SDK2: variants seen among roughly 807,000 people sequenced by gnomAD.
SDK2 encodes the protein sidekick cell adhesion molecule 2, also known as protein sidekick-2.
In SDK2, 105 loss-of-function variants were observed where a neutral mutation model predicts 253.9. That is an observed-to-expected ratio of 0.41 (90% CI 0.35 to 0.49). SDK2 has a LOEUF of 0.49. Ranked by LOEUF, SDK2 falls within the 20% of genes least tolerant of loss-of-function variation. SDK2 has a pLI of 0.06. For synonymous variants in SDK2, 1,249 were observed against 1,234.9 expected, an observed-to-expected ratio of 1.01 and a Z score of -0.24; for missense variants, 2,608 against 3,003.0, an observed-to-expected ratio of 0.87 and a Z score of 3.07.
chr17:73,513,619 C>G (rs80071080), intron 1 of SDK2: 1 of 152,208 alleles, frequency 6.6e-6, no homozygotes, highest in Non-Finnish European at 1.5e-5. Context: ...CACAGACTCA[C>G]TTGTGCATGT....
intron 5 of SDK2, 58 bp from the exon 6 acceptor site, chr17:73,440,981 C>A: frequency 7.7e-7 from 1 of 1,303,696 alleles, no homozygotes. Context: ...CCCTGCCCAG[C>A]CTCATTAGAG....
At chr17:73,358,675 G>A (rs1017095182) in intron 39 of SDK2, among the ~76,000 whole-genome samples, 1 of 152,122 alleles carries the variant, frequency 6.6e-6, no homozygotes, top group Non-Finnish European at 1.5e-5. Flanking sequence ...GTTGGTCGGA[G>A]CGGGGCTGAA....
At chr17:73,528,647 G>A (rs1207912333) in intron 1 of SDK2, among the ~76,000 whole-genome samples, 2 of 152,186 alleles carry the variant, frequency 1.3e-5, no homozygotes, top group African/African-American at 4.8e-5. Flanking sequence ...GATCCCCTAA[G>A]CCAGGGGCTG....
intron 18 of SDK2, among the ~76,000 whole-genome samples, chr17:73,405,777 T>G (rs1255756303): frequency 6.6e-6 from 1 of 150,794 alleles, no homozygotes; most frequent in Non-Finnish European, 1.5e-5. Flanking sequence ...TGGAGTGCAG[T>G]GGCGCGATCT....
intron 2 of SDK2, 80 bp downstream of exon 2, chr17:73,507,358 A>C (rs2063944052): frequency 7.0e-7 from 1 of 1,422,242 alleles, no homozygotes; most frequent in Non-Finnish European, 9.5e-7. Flanking sequence ...TGTCACACAA[A>C]CCCCCTCCTC....
chr17:73,469,973 T>G (rs2063632178), intron 3 of SDK2, among the ~76,000 whole-genome samples: 1 of 141,894 alleles, frequency 7.0e-6, no homozygotes, highest in African/African-American at 2.7e-5. Context: ...CTGAATGGCA[T>G]TTGCGACTGC....
Position 73,552,806 on chromosome 17 carries a change from C to A in SDK2, c.65-45209G>T, listed in dbSNP as rs568456855. 3.9e-5 allele frequency among the ~76,000 whole-genome samples: 6 copies of A among 152,364 alleles called. 1 individual carries two copies. The South Asian group carries it at 1.2e-3, about 32-fold the overall frequency. On this transcript the variant is annotated intron_variant, in intron 1 of 44. Transcript: ENST00000392650. The stretch of plus-strand genomic sequence containing the variant: ...AAGCGACTTCATCTTTGAACCAACT[C>A]ATTTGCACTTCTCGCTCTGGCTTCG...
At chr17:73,473,435 CT>C (rs2063665906) in intron 2 of SDK2, among the ~76,000 whole-genome samples, 1 of 152,044 alleles carries the variant, frequency 6.6e-6, no homozygotes, top group African/African-American at 2.4e-5. Context: ...AAGGGATGTC[CT>C]AGGATGCCTC....
At chr17:73,582,434 G>A (rs558894782) in intron 1 of SDK2, among the ~76,000 whole-genome samples, 7 of 152,346 alleles carry the variant, frequency 4.6e-5, no homozygotes, top group African/African-American at 1.7e-4. Context: ...CGAACACTTT[G>A]CCTTTTTTTC....
chr17:73,420,168 G>A (rs572930680), intron 15 of SDK2, among the ~76,000 whole-genome samples: 12 of 152,370 alleles, frequency 7.9e-5, no homozygotes, highest in East Asian at 1.9e-4. Flanking sequence ...GCGACAGCAC[G>A]TCTTTCTCTG....
intron 6 of SDK2, among the ~76,000 whole-genome samples, chr17:73,439,269 A>G (rs746059349): frequency 6.6e-6 from 1 of 152,180 alleles, no homozygotes; most frequent in African/African-American, 2.4e-5. Flanking sequence ...TTTCTTGTAC[A>G]GCCAGCAGAG....
At chr17:73,464,445 A>C (rs1386032685) in intron 3 of SDK2, among the ~76,000 whole-genome samples, 2 of 152,228 alleles carry the variant, frequency 1.3e-5, no homozygotes, top group Non-Finnish European at 2.9e-5. Context: ...TGAGTCAATT[A>C]AACCTCTTTC....
rs745623040 is a variant in SDK2, at chr17:73,387,854, G to C, written c.4376C>G (p.Ser1459Cys). Residue 1459 changes from serine to cysteine, a missense_variant, in exon 30 of 45, where the codon TCC (serine) becomes TGC (cysteine). Coordinates refer to ENST00000392650, the MANE Select transcript of SDK2 (RefSeq NM_001144952.2). ...LHSASVSHNA[S>C]SFIVDRLKPF... ...GCCTTACCTGTCCACAATGAAGCTG[G>C]AGGCATTGTGGCTCACGGAGGCCGA... is the stretch of plus-strand genomic sequence containing the variant. 8 of 1,584,474 alleles carry C rather than the reference G, an allele frequency of 5.0e-6. No individual in the cohort carries two copies. The African/African-American group carries it at 1.1e-4, about 21-fold the overall frequency.
At position 73,368,523 on chromosome 17, in the gene SDK2, C is replaced by T; in HGVS notation, c.5051G>A (p.Ser1684Asn). ...GCCAGTCAAGTTCTTGAGCTTCACG[C>T]TGTTCTCAGCCAGGAAAAGCGTCTT... ...RVKTLFLAEN[S>N]VKLKNLTGYT... The change falls in exon 37 of 45, where the codon AGC (serine) becomes AAC (asparagine). Residue 1684 changes from serine to asparagine, a missense_variant. Ser to Asn is a conservative substitution (Grantham distance 46, BLOSUM62 1). Transcript: ENST00000392650. 6.2e-7 allele frequency: 1 copy of T among 1,610,172 alleles called. No individual in the cohort carries two copies. Among genetic ancestry groups the T allele is most frequent in the Non-Finnish European group, 8.5e-7 (1 of 1,178,464 alleles).
chr17:73,456,182 G>C, intron 3 of SDK2, 129 bp from the exon 4 acceptor site: 1 of 1,055,220 alleles, frequency 9.5e-7, no homozygotes, highest in African/African-American at 1.6e-5. Flanking sequence ...CAGGGAAGGA[G>C]GACACCTTGC....
chr17:73,563,145 C>A (rs2045263413), intron 1 of SDK2, among the ~76,000 whole-genome samples: 1 of 152,250 alleles, frequency 6.6e-6, no homozygotes, highest in African/African-American at 2.4e-5. Context: ...TGGCCTCTGG[C>A]AAGGCTGGGA....
At chr17:73,588,207 C>CCCA (rs370190252) in intron 1 of SDK2, among the ~76,000 whole-genome samples, 29 of 142,726 alleles carry the variant, frequency 2.0e-4, no homozygotes, top group African/African-American at 7.5e-4. Flanking sequence ...ACCCCCCCCC[C>CCCA]TCCCCCGCCA....
intron 1 of SDK2, among the ~76,000 whole-genome samples, chr17:73,548,041 T>A (rs2044993733): frequency 6.6e-6 from 1 of 152,108 alleles, no homozygotes; most frequent in African/African-American, 2.4e-5. Flanking sequence ...TTGTGAGAAC[T>A]CACTATTACG....
intron 36 of SDK2, among the ~76,000 whole-genome samples, chr17:73,369,406 G>C (rs748103047): frequency 2.0e-5 from 3 of 152,256 alleles, no homozygotes; most frequent in African/African-American, 7.2e-5. Context: ...GGAAGGCCTC[G>C]GCCAAGACGG....
Sources: gnomAD v4.1 joint callset for allele counts (sites outside exome capture counted in the v4.1 genomes callset) on GRCh38, gnomAD v4.1.1 for gene constraint, MANE v1.5 for transcripts, NCBI Gene and HGNC (gene_info 2026-07-23, HGNC 2026-07-21) for gene names.